Variants in PPFIBP2 observed in about 807,000 individuals in gnomAD.
PPFIBP2 encodes PPFIB scaffold protein 2.
PPFIBP2 carries 118 observed loss-of-function variants against 118.3 expected under a neutral mutation model. The observed-to-expected ratio is 1.00, with a 90% CI of 0.86 to 1.16. The LOEUF (loss-of-function observed/expected upper bound fraction) is 1.16. Among genes scored for constraint, PPFIBP2 ranks in the 50% most tolerant of loss-of-function variants. The pLI, the probability that PPFIBP2 is intolerant of heterozygous loss-of-function variation, is 0.00. For missense variants in PPFIBP2, 1,195 were observed against 1,073.1 expected (o/e 1.11, Z -1.59); for synonymous variants, 414 against 397.4 (o/e 1.04, Z -0.50).
At chr11:7,628,674 A>C (rs1232790871) in intron 9 of PPFIBP2, among the ~76,000 whole-genome samples, 1 of 152,216 alleles carries the variant, frequency 6.6e-6, no homozygotes, top group African/African-American at 2.4e-5. Context: ...ACAGCCCACC[A>C]GTCTCCCATG....
chr11:7,566,757 A>C (rs911966430), intron 3 of PPFIBP2, among the ~76,000 whole-genome samples: 1 of 152,176 alleles, frequency 6.6e-6, no homozygotes, highest in African/African-American at 2.4e-5. Flanking sequence ...GTACATGTGA[A>C]ATTTCCTTAC....
At chr11:7,631,105 C>T in intron 11 of PPFIBP2, 77 bp downstream of exon 11, 1 of 1,049,672 alleles carries the variant, frequency 9.5e-7, no homozygotes. Flanking sequence ...AGGATCTAGT[C>T]AGACACGTGT....
At chr11:7,597,973 G>A (rs1290577762) in intron 5 of PPFIBP2, 3 of 294,436 alleles carry the variant, frequency 1.0e-5, no homozygotes, top group Non-Finnish European at 1.9e-5. Flanking sequence ...TCGGCTGGGG[G>A]CCTCACCCTC....
In PPFIBP2 at chr11:7,549,549, G is replaced by C; in HGVS notation, c.64+10G>C. ...GACGGGATCATTGCAGGTACGCCCA[G>C]GGAACCCCAGCAACCAAGGTCTCAT... On this transcript the variant is annotated intron_variant, in intron 2 of 23. Coordinates refer to ENST00000299492, the MANE Select transcript of PPFIBP2 (RefSeq NM_003621.5). 6.5e-7 allele frequency: 1 copy of C among 1,548,086 alleles called. No homozygotes were observed. The highest frequency in any genetic ancestry group is 1.2e-5 in the South Asian group (1 of 82,686).
intron 3 of PPFIBP2, among the ~76,000 whole-genome samples, chr11:7,590,777 C>A (rs1590409511): frequency 2.6e-5 from 4 of 152,308 alleles, no homozygotes; most frequent in African/African-American, 7.2e-5. Flanking sequence ...TGTCCACTAG[C>A]CTCTGAACTA....
chr11:7,558,766 A>T (rs1564971691), intron 2 of PPFIBP2, among the ~76,000 whole-genome samples: 1 of 151,742 alleles, frequency 6.6e-6, no homozygotes, highest in Non-Finnish European at 1.5e-5. Flanking sequence ...AAAAAAAAAA[A>T]GAAAGAAAAA....
chr11:7,537,639 G>C (rs537223608), intron 1 of PPFIBP2, among the ~76,000 whole-genome samples: 1 of 152,064 alleles, frequency 6.6e-6, no homozygotes, highest in African/African-American at 2.4e-5. Context: ...CCTCCTCTCC[G>C]AAAGTTCTCT....
intron 1 of PPFIBP2, among the ~76,000 whole-genome samples, chr11:7,541,109 T>A: frequency 6.6e-6 from 1 of 152,176 alleles, no homozygotes; most frequent in East Asian, 1.9e-4. Flanking sequence ...GGTGCAGGGC[T>A]GTGTTTGCAT....
chr11:7,643,957 C>T (rs557559182), intron 17 of PPFIBP2, among the ~76,000 whole-genome samples: 3 of 152,204 alleles, frequency 2.0e-5, no homozygotes, highest in Non-Finnish European at 2.9e-5. Flanking sequence ...GGACAGAGTG[C>T]GCCTATTACA....
the PPFIBP2 span, chr11:7,666,430 T>C: frequency 6.6e-7 from 1 of 1,503,920 alleles, no homozygotes; most frequent in East Asian, 2.3e-5. Context: ...CCATGGTGAG[T>C]GAGGGCAATG....
intron 1 of PPFIBP2, among the ~76,000 whole-genome samples, chr11:7,538,839 G>C (rs1467431946): frequency 6.6e-6 from 1 of 152,122 alleles, no homozygotes; most frequent in African/African-American, 2.4e-5. Flanking sequence ...TCTAGATTCA[G>C]GGCCCTTTCT....
intron 6 of PPFIBP2, among the ~76,000 whole-genome samples, chr11:7,617,879 G>A (rs1310717639): frequency 6.6e-6 from 1 of 151,920 alleles, no homozygotes; most frequent in Non-Finnish European, 1.5e-5. Context: ...GCCATGTGGG[G>A]CTCTATCTGA....
chr11:7,613,724 G>A (rs1412479355), intron 6 of PPFIBP2, among the ~76,000 whole-genome samples: 2 of 152,164 alleles, frequency 1.3e-5, no homozygotes, highest in African/African-American at 4.8e-5. Context: ...CCTTCCCCAA[G>A]AAAGAAATCT....
intron 6 of PPFIBP2, among the ~76,000 whole-genome samples, chr11:7,613,960 A>G (rs867475727): frequency 6.6e-6 from 1 of 152,208 alleles, no homozygotes; most frequent in African/African-American, 2.4e-5. Context: ...ATCTCACAGC[A>G]CAAGTGATGA....
the PPFIBP2 span, among the ~76,000 whole-genome samples, chr11:7,663,401 C>A: frequency 2.6e-5 from 4 of 151,634 alleles, no homozygotes; most frequent in Admixed American, 1.3e-4. Flanking sequence ...GTTGGAATAC[C>A]CTGCTGTGTG....
rs528757102 is a variant in PPFIBP2, at chr11:7,645,670, G to A, written c.1647-2717G>A. 4.6e-5 allele frequency among the ~76,000 whole-genome samples: 7 copies of A among 152,214 alleles called. 1 individual carries two copies. Among genetic ancestry groups the A allele is most frequent in the East Asian group, 1.9e-4 (1 of 5,172 alleles). On this transcript the variant is annotated intron_variant, in intron 17 of 23. Coordinates refer to ENST00000299492, the MANE Select transcript of PPFIBP2 (RefSeq NM_003621.5). The stretch of plus-strand genomic sequence containing the variant: ...TGAACACCTCAAGGCTTAGGAGGGA[G>A]GAGAGGATTCGCAAAACAAAAAATG...
At chr11:7,666,176 A>C in the PPFIBP2 span, 340 of 598,556 alleles carry the variant, frequency 5.7e-4, 7 homozygotes, top group South Asian at 6.7e-3. Flanking sequence ...GTGGGTGTTC[A>C]CAGTGGACAG....
intron 3 of PPFIBP2, among the ~76,000 whole-genome samples, chr11:7,566,355 A>G (rs978775528): frequency 7.9e-5 from 12 of 152,092 alleles, no homozygotes; most frequent in African/African-American, 2.9e-4. Flanking sequence ...ACATATTCAC[A>G]TGCAGCATTT....
intron 3 of PPFIBP2, among the ~76,000 whole-genome samples, chr11:7,592,727 C>G (rs1030317059): frequency 1.3e-5 from 2 of 152,186 alleles, no homozygotes; most frequent in African/African-American, 4.8e-5. Flanking sequence ...AGAAGCTGTT[C>G]CCATGTAGTC....
Sources: allele counts gnomAD v4.1 joint callset (sites outside exome capture counted in the v4.1 genomes callset), GRCh38; gene constraint gnomAD v4.1.1; transcripts MANE v1.5; gene names NCBI Gene and HGNC (gene_info 2026-07-23, HGNC 2026-07-21).